Variants in CADPS observed in about 807,000 individuals in gnomAD.
CADPS encodes calcium-dependent secretion activator 1.
In CADPS, 57 loss-of-function variants were observed where a neutral mutation model predicts 167.3. That is an observed-to-expected ratio of 0.34 (90% CI 0.28 to 0.42). The LOEUF is 0.42. CADPS is among the 20% of genes least tolerant of loss of function. The probability of loss-of-function intolerance (pLI) is 1.00; values close to 1 mark genes in which losing one functional copy is unlikely to be tolerated. For synonymous variants in CADPS, 676 were observed against 635.3 expected (o/e 1.06, Z -0.96); for missense variants, 1,414 against 1,738.1 (o/e 0.81, Z 3.32).
rs182601246 is a variant in CADPS at position 62,403,047 on chromosome 3, A to G, written c.3882+34T>C. 254 of 1,336,094 alleles carry G rather than the reference A, an allele frequency of 1.9e-4. 2 individuals are homozygous for G. The East Asian group carries it at 2.0e-3, about 10-fold the overall frequency. The allele number at this position is 1,336,094 out of a possible 1,614,324, so 82.8% of individuals were successfully genotyped here. A position where few individuals can be genotyped will look rare whatever the true frequency, so the allele number is the denominator to read the frequency against. ...CCAGTGAAATATATTTCAGTAAGCT[A>G]TTTGCAAAGAAGAATAATAATCTTT... On this transcript the variant is annotated intron_variant, in intron 29 of 29. Coordinates refer to ENST00000383710, the MANE Select transcript of CADPS (RefSeq NM_003716.4).
intron 6 of CADPS, among the ~76,000 whole-genome samples, chr3:62,594,307 G>A (rs866966587): frequency 6.7e-6 from 1 of 150,160 alleles, no homozygotes; most frequent in African/African-American, 2.4e-5. Context: ...GACTACAGGC[G>A]CCCGCCACTA....
At chr3:62,635,720 T>G (rs541745467) in intron 6 of CADPS, among the ~76,000 whole-genome samples, 3 of 151,782 alleles carry the variant, frequency 2.0e-5, no homozygotes, top group African/African-American at 7.3e-5. Flanking sequence ...GAGCCTCATC[T>G]AGATGGAGAG....
At chr3:62,556,407 A>G (rs2078154543) in intron 10 of CADPS, among the ~76,000 whole-genome samples, 1 of 152,212 alleles carries the variant, frequency 6.6e-6, no homozygotes, top group Non-Finnish European at 1.5e-5. Context: ...CTTCCCTGCC[A>G]CACCTTTTCA....
chr3:62,441,947 A>T (rs1407592023), intron 27 of CADPS, among the ~76,000 whole-genome samples: 2 of 152,208 alleles, frequency 1.3e-5, no homozygotes, highest in Non-Finnish European at 2.9e-5. Context: ...TTATGTGAAG[A>T]ACTTAATGGA....
At chr3:62,533,640 A>G (rs1249373591) in intron 12 of CADPS, among the ~76,000 whole-genome samples, 7 of 152,198 alleles carry the variant, frequency 4.6e-5, no homozygotes. Context: ...CAGCTCTGTC[A>G]TATTCCAAGT....
chr3:62,624,264 A>T (rs1375402359), intron 6 of CADPS, among the ~76,000 whole-genome samples: 1 of 152,090 alleles, frequency 6.6e-6, no homozygotes, highest in African/African-American at 2.4e-5. Context: ...TTTGTATCTG[A>T]CTGCTTTGGT....
intron 26 of CADPS, among the ~76,000 whole-genome samples, chr3:62,447,025 T>C (rs1220095951): frequency 6.6e-6 from 1 of 152,192 alleles, no homozygotes; most frequent in East Asian, 1.9e-4. Flanking sequence ...TCTGTTGCTC[T>C]TTTCTCAATG....
chr3:62,607,746 C>G (rs1006828503), intron 6 of CADPS, among the ~76,000 whole-genome samples: 12 of 152,202 alleles, frequency 7.9e-5, no homozygotes, highest in Admixed American at 7.9e-4. Flanking sequence ...GGGTTCCCAT[C>G]ATCCTACTGA....
chr3:62,531,222 TTCTC>T (rs10587853), intron 13 of CADPS, among the ~76,000 whole-genome samples: 161 of 150,566 alleles, frequency 1.1e-3, no homozygotes, highest in African/African-American at 3.2e-3. Context: ...ATAATGCAAC[TTCTC>T]TCTCTCTCTC....
Position 62,446,029 on chromosome 3 carries a change from T to G in CADPS, c.3637-232A>C, listed in dbSNP as rs1457245576. Reference sequence around the variant, plus strand: ...AATTTACTGATTCAGATTCTGTTGCTGGAGCGGGAGCTTTACATTTTCCTC... The same window carrying G: ...AATTTACTGATTCAGATTCTGTTGCGGGAGCGGGAGCTTTACATTTTCCTC... On this transcript the variant is annotated intron_variant, in intron 26 of 29. Transcript: ENST00000383710. This position sits in a 1 kb window ranked among gnomAD's most constrained non-coding sequence, Gnocchi z 4.9. 6.6e-6 allele frequency among the ~76,000 whole-genome samples: 1 copy of G among 152,236 alleles called. No homozygotes were observed. Among genetic ancestry groups the G allele is most frequent in the Non-Finnish European group, 1.5e-5 (1 of 68,042 alleles).
chr3:62,462,984 G>C (rs961656900), intron 26 of CADPS, among the ~76,000 whole-genome samples: 3 of 152,216 alleles, frequency 2.0e-5, no homozygotes, highest in South Asian at 2.1e-4. Context: ...GGGTGGCCAA[G>C]TGTGTGGGAG....
At chr3:62,805,586 C>T (rs2152832262) in intron 1 of CADPS, among the ~76,000 whole-genome samples, 1 of 152,304 alleles carries the variant, frequency 6.6e-6, no homozygotes, top group Non-Finnish European at 1.5e-5. Context: ...CTTCCACAAA[C>T]ATGTATCAGC....
Position 62,874,438 on chromosome 3 carries a change from C to T in CADPS, c.441+151G>A. The stretch of plus-strand genomic sequence containing the variant: ...TGGGCTGGGCCTGGGCGAGCCCGGC[C>T]GCTGGGAGGGGGCCTCGTAGCCCTT... On this transcript the variant is annotated intron_variant, in intron 1 of 29. Transcript: ENST00000383710. The surrounding 1 kb of genome is among the most constrained non-coding windows in gnomAD (Gnocchi z 7.1). 2 of 626,358 alleles carry T rather than the reference C, an allele frequency of 3.2e-6. No individual in the cohort carries two copies. The highest frequency in any genetic ancestry group is 4.0e-5 in the South Asian group (2 of 50,332). The allele number at this position is 626,358 out of a possible 1,614,324, so 38.8% of individuals were successfully genotyped here. A position where few individuals can be genotyped will look rare whatever the true frequency, so the allele number is the denominator to read the frequency against.
At chr3:62,570,827 A>C (rs1305306205) in intron 9 of CADPS, 45 bp downstream of exon 9, 16 of 1,278,986 alleles carry the variant, frequency 1.3e-5, no homozygotes, top group Non-Finnish European at 1.6e-5. Context: ...TCATTCTAGC[A>C]AATCTTTAAT....
At chr3:62,523,077 C>G (rs1306678754) in intron 13 of CADPS, among the ~76,000 whole-genome samples, 2 of 152,312 alleles carry the variant, frequency 1.3e-5, no homozygotes, top group East Asian at 3.9e-4. Context: ...ATGTCGGCTG[C>G]TCTTCAAGTT....
At chr3:62,524,688 G>A (rs989224017) in intron 13 of CADPS, among the ~76,000 whole-genome samples, 2 of 152,154 alleles carry the variant, frequency 1.3e-5, no homozygotes, top group Non-Finnish European at 2.9e-5. Context: ...TCGTGGAGAA[G>A]TCTCTCTCTA....
chr3:62,570,736 C>T, intron 9 of CADPS, 136 bp downstream of exon 9: 1 of 694,526 alleles, frequency 1.4e-6, no homozygotes, highest in Admixed American at 2.2e-5. Flanking sequence ...ATGGTGGTTA[C>T]ATGGATATAT....
At chr3:62,847,321 A>G (rs2153079623) in intron 1 of CADPS, among the ~76,000 whole-genome samples, 1 of 132,372 alleles carries the variant, frequency 7.6e-6, no homozygotes, top group Admixed American at 7.9e-5. Flanking sequence ...GTACATGTGC[A>G]CATTGTGCAG....
intron 3 of CADPS, among the ~76,000 whole-genome samples, chr3:62,684,060 C>T (rs1278649997): frequency 6.6e-6 from 1 of 151,984 alleles, no homozygotes; most frequent in African/African-American, 2.4e-5. Flanking sequence ...TAAGTTACTA[C>T]ATGGAGTCCA....
Sources: gnomAD v4.1 joint callset for allele counts (sites outside exome capture counted in the v4.1 genomes callset) on GRCh38, gnomAD v4.1.1 for gene constraint, Gnocchi (gnomAD v3.1) non-coding constraint, MANE v1.5 for transcripts, NCBI Gene and HGNC (gene_info 2026-07-23, HGNC 2026-07-21) for gene names.